The following CSNK1G1 variants were observed in gnomAD, a reference collection of about 807,000 sequenced individuals.
CSNK1G1 encodes casein kinase 1 gamma 1.
A neutral mutation model predicts 59.6 loss-of-function variants in CSNK1G1; 22 were observed. The ratio of observed to expected loss-of-function variants is 0.37; its 90% CI spans 0.26 to 0.53. The LOEUF (loss-of-function observed/expected upper bound fraction) is 0.53. Among genes scored for constraint, CSNK1G1 ranks in the 20% least tolerant of loss-of-function variants. The pLI is 0.89. For synonymous variants in CSNK1G1, 179 were observed against 177.1 expected (o/e 1.01, Z -0.08); for missense variants, 384 against 519.5 (o/e 0.74, Z 2.54).
intron 2 of CSNK1G1, among the ~76,000 whole-genome samples, chr15:64,292,284 T>C (rs551679104): frequency 6.6e-6 from 1 of 151,912 alleles, no homozygotes; most frequent in East Asian, 1.9e-4. Context: ...AAGAACAATA[T>C]GCAGAGCCTG....
intron 2 of CSNK1G1, among the ~76,000 whole-genome samples, chr15:64,264,307 C>CA (rs1238134973): frequency 1.3e-5 from 2 of 152,066 alleles, no homozygotes; most frequent in Admixed American, 6.6e-5. Flanking sequence ...AACATACATA[C>CA]AACCTACCAA....
chr15:64,258,259 G>C (rs1029155804), intron 3 of CSNK1G1, among the ~76,000 whole-genome samples: 3 of 151,974 alleles, frequency 2.0e-5, no homozygotes, highest in African/African-American at 7.2e-5. Context: ...GTAGTCTGTA[G>C]TCCCACCTAC....
chr15:64,311,609 C>T (rs949421945), intron 1 of CSNK1G1, among the ~76,000 whole-genome samples: 18 of 150,236 alleles, frequency 1.2e-4, no homozygotes, highest in African/African-American at 2.7e-4. Flanking sequence ...ATGATGACCA[C>T]GCCTGTGAAT....
chr15:64,192,989 T>C (rs2081992628), intron 10 of CSNK1G1, among the ~76,000 whole-genome samples: 1 of 152,004 alleles, frequency 6.6e-6, no homozygotes, highest in Admixed American at 6.6e-5. Context: ...AAAGCTGCCA[T>C]TTATAAAGAA....
intron 1 of CSNK1G1, among the ~76,000 whole-genome samples, chr15:64,340,499 T>C (rs535747427): frequency 1.3e-5 from 2 of 152,356 alleles, no homozygotes; most frequent in Non-Finnish European, 2.9e-5. Flanking sequence ...AATTCTAGTA[T>C]CTTCCTGGTA....
intron 1 of CSNK1G1, among the ~76,000 whole-genome samples, chr15:64,302,045 C>T (rs1011995341): frequency 1.3e-5 from 2 of 152,192 alleles, no homozygotes; most frequent in Non-Finnish European, 2.9e-5. Flanking sequence ...AAAAAGCTGT[C>T]AGCTGACTGT....
intron 10 of CSNK1G1, among the ~76,000 whole-genome samples, chr15:64,193,383 C>G (rs2081997109): frequency 6.6e-6 from 1 of 151,570 alleles, no homozygotes; most frequent in African/African-American, 2.4e-5. Context: ...GTCCCAGCTA[C>G]TCGGGAGGCT....
chr15:64,221,609 A>G (rs2082389397), intron 4 of CSNK1G1, among the ~76,000 whole-genome samples: 1 of 151,480 alleles, frequency 6.6e-6, no homozygotes, highest in Non-Finnish European at 1.5e-5. Context: ...AGTGTAGAAA[A>G]AGCTCAAGTC....
intron 2 of CSNK1G1, among the ~76,000 whole-genome samples, chr15:64,276,419 A>C (rs1234141525): frequency 6.6e-6 from 1 of 152,204 alleles, no homozygotes; most frequent in African/African-American, 2.4e-5. Flanking sequence ...TTTTGAAACA[A>C]ATCTCAGATG....
At chr15:64,246,205 T>C (rs950124038) in intron 4 of CSNK1G1, among the ~76,000 whole-genome samples, 1 of 152,234 alleles carries the variant, frequency 6.6e-6, no homozygotes, top group Non-Finnish European at 1.5e-5. Context: ...ATATATCCCA[T>C]AAATAGGTAT....
intron 1 of CSNK1G1, among the ~76,000 whole-genome samples, chr15:64,350,496 G>A (rs890443213): frequency 6.6e-6 from 1 of 150,870 alleles, no homozygotes; most frequent in Non-Finnish European, 1.5e-5. Context: ...GCAAGACTCT[G>A]TCTCCAAAAA....
At chr15:64,274,406 T>A (rs1043693286) in intron 2 of CSNK1G1, among the ~76,000 whole-genome samples, 9 of 152,104 alleles carry the variant, frequency 5.9e-5, no homozygotes, top group Admixed American at 5.2e-4. Context: ...AATAACTGCT[T>A]CAGCTAAAAA....
chr15:64,216,617 T>G lies in CSNK1G1; in HGVS notation c.389A>C (p.Asp130Ala). The part of the protein sequence containing the change: ...LLGPSLEDLF[D>A]LCDRTFTLKT... ...CAAAGTAAATGTTCGGTCACAGAGGTCAAACAAGTCCTCCAAGCTAGGGCC... is the reference window on the plus strand; with the variant it reads ...CAAAGTAAATGTTCGGTCACAGAGGGCAAACAAGTCCTCCAAGCTAGGGCC... The change falls in exon 5 of 12, where the codon GAC becomes GCC. Residue 130 changes from aspartate to alanine, a missense_variant. Asp to Ala is a moderately radical substitution (Grantham distance 126). Around this residue, in one of 3 missense-constraint regions of CSNK1G1, gnomAD observed 325 missense variants for 440.9 expected, o/e 0.74. Coordinates refer to ENST00000303052, the MANE Select transcript of CSNK1G1 (RefSeq NM_022048.5). This position sits in a 1 kb window ranked among gnomAD's most constrained non-coding sequence, Gnocchi z 4.6. 1 of 1,613,676 alleles carries G rather than the reference T, an allele frequency of 6.2e-7. No individual in the cohort carries two copies. The highest frequency in any genetic ancestry group is 8.5e-7 in the Non-Finnish European group (1 of 1,179,814).
At chr15:64,198,192 C>CTTTTTTTT (rs893282431) in intron 10 of CSNK1G1, among the ~76,000 whole-genome samples, 1 of 110,590 alleles carries the variant, frequency 9.0e-6, no homozygotes, top group Non-Finnish European at 1.8e-5. Flanking sequence ...ACAGGATATA[C>CTTTTTTTT]TTTTTTTTTT....
intron 10 of CSNK1G1, among the ~76,000 whole-genome samples, chr15:64,183,694 T>C (rs1567359552): frequency 6.6e-6 from 1 of 151,914 alleles, no homozygotes; most frequent in South Asian, 2.1e-4. Context: ...ATCTTATGAA[T>C]AACAAATTAC....
chr15:64,335,650 AATT>A, intron 1 of CSNK1G1: 1 of 152,314 alleles, frequency 6.6e-6, no homozygotes, highest in South Asian at 2.1e-4. Context: ...CAACTTTAAC[AATT>A]ATTATTTTTT....
chr15:64,286,129 C>A (rs62021621), intron 2 of CSNK1G1, among the ~76,000 whole-genome samples: 19,283 of 152,008 alleles, frequency 0.13, 2,130 homozygotes, highest in African/African-American at 0.31. Context: ...CACGTTCTCA[C>A]CCCCGGACCC....
chr15:64,284,274 T>C (rs928207312), intron 2 of CSNK1G1, among the ~76,000 whole-genome samples: 2 of 152,210 alleles, frequency 1.3e-5, no homozygotes, highest in Non-Finnish European at 2.9e-5. Context: ...TGTTCTTCTT[T>C]TTTCAAGATT....
rs199815021 is a variant in CSNK1G1 at position 64,204,516 on chromosome 15, C to A, written c.924G>T (p.Arg308=). 6.2e-6 allele frequency: 10 copies of A among 1,613,712 alleles called. No homozygotes were observed. The Admixed American group carries it at 1.7e-4, about 27-fold the overall frequency. The change falls in exon 9 of 12, where the codon CGG becomes CGT. Residue 308 remains arginine, a synonymous_variant. Coordinates refer to ENST00000303052, the MANE Select transcript of CSNK1G1 (RefSeq NM_022048.5). ...TTTCAAAGAGGTCTGTGAAGAGGGT[C>A]CGTAAATACTCATAATCAGGTTTTT... is the stretch of plus-strand genomic sequence containing the variant. ...FFEKPDYEYL[R]TLFTDLFEKK... is the part of the protein sequence containing the mutation.
Sources: allele counts gnomAD v4.1 joint callset (sites outside exome capture counted in the v4.1 genomes callset), GRCh38; gene constraint gnomAD v4.1.1; regional missense constraint gnomAD v4.1.1; non-coding constraint Gnocchi (gnomAD v3.1); transcripts MANE v1.5; gene names NCBI Gene and HGNC (gene_info 2026-07-23, HGNC 2026-07-21).